Variants in DRC8 observed in about 807,000 individuals in gnomAD.
DRC8 encodes the protein dynein regulatory complex protein 8.
the DRC8 span, among the ~76,000 whole-genome samples, chr1:245,006,472 T>G: frequency 6.6e-6 from 1 of 152,104 alleles, no homozygotes; most frequent in African/African-American, 2.4e-5. Flanking sequence ...AGCTAATTTT[T>G]TTTTGTATTT....
the DRC8 span, among the ~76,000 whole-genome samples, chr1:245,117,184 C>G: frequency 6.6e-6 from 1 of 152,080 alleles, no homozygotes; most frequent in Non-Finnish European, 1.5e-5. Flanking sequence ...TCCTGAGTAG[C>G]TGGGATGACA....
the DRC8 span, among the ~76,000 whole-genome samples, chr1:245,005,378 C>G: frequency 6.6e-6 from 1 of 151,170 alleles, no homozygotes; most frequent in Non-Finnish European, 1.5e-5. Context: ...TTAGACGGAG[C>G]CTCACTCTGT....
chr1:244,970,765 C>T, the DRC8 span: 1 of 398,280 alleles, frequency 2.5e-6, no homozygotes. Flanking sequence ...CTCTTCCCCT[C>T]CTCCCGCCCC....
At chr1:245,068,608 A>ATT in the DRC8 span, among the ~76,000 whole-genome samples, 7 of 141,018 alleles carry the variant, frequency 5.0e-5, no homozygotes, top group African/African-American at 1.3e-4. Flanking sequence ...CTCCCAGCTA[A>ATT]TTTTTTTTTT....
chr1:245,071,849 T>C, the DRC8 span, among the ~76,000 whole-genome samples: 2 of 152,250 alleles, frequency 1.3e-5, no homozygotes, highest in Non-Finnish European at 2.9e-5. Context: ...AATCTTGGTC[T>C]GTCTGTGGAA....
the DRC8 span, chr1:244,970,238 CG>C: frequency 2.8e-6 from 2 of 702,892 alleles, no homozygotes; most frequent in African/African-American, 1.8e-5. Flanking sequence ...TGGCGCGAAA[CG>C]GGGACAGGGC....
At chr1:245,066,622 A>G in the DRC8 span, among the ~76,000 whole-genome samples, 3 of 152,296 alleles carry the variant, frequency 2.0e-5, no homozygotes, top group South Asian at 6.2e-4. Context: ...TTATAATCAT[A>G]ATAGGCCAGG....
chr1:244,978,624 G>C, the DRC8 span, among the ~76,000 whole-genome samples: 1 of 152,076 alleles, frequency 6.6e-6, no homozygotes, highest in Non-Finnish European at 1.5e-5. Flanking sequence ...CAAGTAGCTG[G>C]GACTGCAGGG....
the DRC8 span, among the ~76,000 whole-genome samples, chr1:245,104,044 A>G: frequency 6.6e-6 from 1 of 152,200 alleles, no homozygotes; most frequent in African/African-American, 2.4e-5. Context: ...CAGTGGAAAT[A>G]AGAAGAGGTG....
At chr1:245,053,211 G>GA in the DRC8 span, among the ~76,000 whole-genome samples, 5 of 150,774 alleles carry the variant, frequency 3.3e-5, no homozygotes, top group East Asian at 3.9e-4. Flanking sequence ...AAGTTGATGA[G>GA]AAAAAAAAAT....
the DRC8 span, among the ~76,000 whole-genome samples, chr1:245,051,414 AC>A: frequency 6.6e-6 from 1 of 152,060 alleles, no homozygotes; most frequent in African/African-American, 2.4e-5. Flanking sequence ...CAAAAGGAAG[AC>A]AAAACCATCG....
At chr1:245,100,814 TA>T in the DRC8 span, among the ~76,000 whole-genome samples, 2 of 45,224 alleles carry the variant, frequency 4.4e-5, no homozygotes, top group Non-Finnish European at 1.3e-4. Context: ...ATAATAATAA[TA>T]AATACTTCAC....
the DRC8 span, chr1:245,002,242 A>T: frequency 6.9e-6 from 11 of 1,590,366 alleles, no homozygotes; most frequent in Non-Finnish European, 9.4e-6. Flanking sequence ...GGTACAGTGC[A>T]TTCATACCTC....
the DRC8 span, among the ~76,000 whole-genome samples, chr1:245,120,661 G>T: frequency 6.6e-6 from 1 of 152,112 alleles, no homozygotes; most frequent in Non-Finnish European, 1.5e-5. Context: ...TTTTGGGTGT[G>T]TCTCTTGTAT....
the DRC8 span, among the ~76,000 whole-genome samples, chr1:244,984,882 A>G: frequency 0.012 from 1,825 of 150,062 alleles, 41 homozygotes; most frequent in African/African-American, 0.042. Flanking sequence ...CAATTTCCTG[A>G]CACATACGTG....
At chr1:245,100,807 AT>A in the DRC8 span, among the ~76,000 whole-genome samples, 1 of 107,206 alleles carries the variant, frequency 9.3e-6, no homozygotes, top group South Asian at 3.4e-4. Context: ...AATAATAATA[AT>A]AATAATAAAT....
At chr1:245,040,434 C>T in the DRC8 span, among the ~76,000 whole-genome samples, 1 of 152,166 alleles carries the variant, frequency 6.6e-6, no homozygotes, top group East Asian at 1.9e-4. Context: ...TGCTGAGAGA[C>T]AAGTCCAGGA....
At chr1:245,099,633 C>T in the DRC8 span, among the ~76,000 whole-genome samples, 13 of 152,318 alleles carry the variant, frequency 8.5e-5, no homozygotes, top group Admixed American at 3.9e-4. Context: ...AATTCTGCCC[C>T]GTTTGCAAGT....
the DRC8 span, among the ~76,000 whole-genome samples, chr1:245,013,766 C>T: frequency 6.2e-4 from 95 of 152,050 alleles, 3 homozygotes; most frequent in Admixed American, 6.1e-3. Context: ...CGCAGAGGCT[C>T]ACACCTGTAA....
Sources: gnomAD v4.1 joint callset for allele counts (sites outside exome capture counted in the v4.1 genomes callset) on GRCh38, gnomAD v4.1.1 for gene constraint, MANE v1.5 for transcripts, NCBI Gene and HGNC (gene_info 2026-07-23, HGNC 2026-07-21) for gene names.